The following PDE11A variants were observed in gnomAD, a reference collection of about 807,000 sequenced individuals.
The protein encoded by PDE11A is dual 3',5'-cyclic-AMP and -GMP phosphodiesterase 11A.
A neutral mutation model predicts 100.5 loss-of-function variants in PDE11A; 100 were observed. The ratio of observed to expected loss-of-function variants is 1.00; its 90% CI spans 0.85 to 1.18. The LOEUF is 1.18. Ranked by LOEUF, PDE11A falls within the 50% of genes most tolerant of loss-of-function variation. The pLI, the probability that PDE11A is intolerant of heterozygous loss-of-function variation, is 0.00. For synonymous variants in PDE11A, 381 were observed against 420.8 expected (o/e 0.91, Z 1.16); for missense variants, 1,141 against 1,152.6 (o/e 0.99, Z 0.15).
intron 5 of PDE11A, among the ~76,000 whole-genome samples, chr2:177,866,491 T>A (rs2084033019): frequency 6.6e-6 from 1 of 152,366 alleles, no homozygotes; most frequent in East Asian, 1.9e-4. Context: ...GATCCTGCTC[T>A]CTTTAGCTTT....
At chr2:177,769,742 C>T (rs990178276) in intron 9 of PDE11A, among the ~76,000 whole-genome samples, 2 of 151,972 alleles carry the variant, frequency 1.3e-5, no homozygotes, top group Admixed American at 1.3e-4. Context: ...CAAAAACTAG[C>T]TGGGCATGGT....
At chr2:177,772,713 TA>T (rs58575142) in intron 9 of PDE11A, among the ~76,000 whole-genome samples, 3,143 of 141,196 alleles carry the variant, frequency 0.022, 37 homozygotes, top group South Asian at 0.039. Context: ...TTCCTTTATT[TA>T]AAAAAAAAAA....
chr2:178,102,440 T>G (rs1388149773), intron 2 of PDE11A, among the ~76,000 whole-genome samples: 1 of 146,530 alleles, frequency 6.8e-6, no homozygotes, highest in Non-Finnish European at 1.5e-5. Context: ...TTTTTTTTTT[T>G]TTTTTTTTTT....
At chr2:178,018,389 C>CTTGGCACACTTGACTTTAAA in intron 1 of PDE11A, 2 of 497,726 alleles carry the variant, frequency 4.0e-6, no homozygotes, top group Admixed American at 4.2e-5. Flanking sequence ...TTGACTTTAA[C>CTTGGCACACTTGACTTTAAA]CTTTGCCGGG....
chr2:177,685,910 A>G (rs1189954540), intron 15 of PDE11A, among the ~76,000 whole-genome samples: 1 of 152,198 alleles, frequency 6.6e-6, no homozygotes, highest in Non-Finnish European at 1.5e-5. Flanking sequence ...TATGAAAATC[A>G]AACAGCATCA....
chr2:178,104,922 A>G (rs2087600787), intron 1 of PDE11A, among the ~76,000 whole-genome samples: 2 of 152,240 alleles, frequency 1.3e-5, no homozygotes, highest in African/African-American at 4.8e-5. Flanking sequence ...TTTAACTATG[A>G]TATTACTATG....
intron 2 of PDE11A, among the ~76,000 whole-genome samples, chr2:177,910,713 TA>T (rs1317763927): frequency 6.6e-6 from 1 of 152,128 alleles, no homozygotes; most frequent in African/African-American, 2.4e-5. Flanking sequence ...TTAAACAGTG[TA>T]AAAAAGTCAC....
At chr2:177,905,025 TA>T (rs2084760473) in intron 3 of PDE11A, 72 bp downstream of exon 3, 1 of 839,806 alleles carries the variant, frequency 1.2e-6, no homozygotes. Flanking sequence ...TGGCTGTTTT[TA>T]AAAGACATAA....
In PDE11A at chr2:177,845,258, C is replaced by T. The variant is rs1471167755; in HGVS notation, c.1368-4875G>A. On this transcript the variant is annotated intron_variant, in intron 5 of 19. Coordinates refer to ENST00000286063, the MANE Select transcript of PDE11A (RefSeq NM_016953.4). ...ATGGGGTGGCTGCCGGGCGGAGGGG[C>T]TCCTCACTTCTCAGACGGGGCGGTT... 3.1e-4 allele frequency among the ~76,000 whole-genome samples: 47 copies of T among 151,580 alleles called. No individual in the cohort carries two copies. The South Asian group carries it at 9.6e-3, about 31-fold the overall frequency.
intron 5 of PDE11A, among the ~76,000 whole-genome samples, chr2:177,849,418 A>G (rs551109900): frequency 6.6e-6 from 1 of 152,296 alleles, no homozygotes; most frequent in South Asian, 2.1e-4. Context: ...GTAAAGCTTT[A>G]AAAAGTGTGG....
Position 178,058,514 on chromosome 2 carries a change from C to A in PDE11A, c.912+13012G>T, listed in dbSNP as rs1019410896. Among the ~76,000 whole-genome samples, 8 of 152,334 alleles carry A rather than the reference C, an allele frequency of 5.3e-5. No homozygotes were observed. The East Asian group carries it at 1.5e-3, about 29-fold the overall frequency. On this transcript the variant is annotated intron_variant, in intron 1 of 19. Coordinates refer to ENST00000286063, the MANE Select transcript of PDE11A (RefSeq NM_016953.4). The stretch of plus-strand genomic sequence containing the variant: ...TGACTTGCTCCTCCTTGCCTTCTGC[C>A]AGGAGTGTGAGGCCTCCTCAGCCAC...
intron 7 of PDE11A, among the ~76,000 whole-genome samples, chr2:177,818,386 A>C (rs1408588857): frequency 6.6e-6 from 1 of 151,676 alleles, no homozygotes; most frequent in Non-Finnish European, 1.5e-5. Flanking sequence ...TAAGAACATA[A>C]GCTTTGGACT....
At chr2:177,728,752 T>G (rs535214630) in intron 10 of PDE11A, among the ~76,000 whole-genome samples, 7 of 152,322 alleles carry the variant, frequency 4.6e-5, no homozygotes, top group Admixed American at 2.6e-4. Flanking sequence ...AGGTTTAGCA[T>G]AAGCCTATGT....
chr2:177,898,305 T>C, intron 3 of PDE11A, 107 bp from the exon 4 acceptor site: 2 of 749,070 alleles, frequency 2.7e-6, no homozygotes, highest in Non-Finnish European at 4.5e-6. Context: ...TAAATCTTTT[T>C]GTGTAGCTAA....
intron 4 of PDE11A, among the ~76,000 whole-genome samples, chr2:177,889,188 G>A (rs1244385757): frequency 6.6e-6 from 1 of 152,092 alleles, no homozygotes. Context: ...TAAAATTATA[G>A]GGTCACATTT....
chr2:177,769,452 G>A (rs962926287), intron 9 of PDE11A, 79 bp from the exon 10 acceptor site: 6 of 845,732 alleles, frequency 7.1e-6, no homozygotes, highest in Non-Finnish European at 1.2e-5. Context: ...TTAAAAATAA[G>A]CTTTGCTTAT....
In PDE11A at chr2:177,748,102, A is replaced by G. The variant is rs544172031; in HGVS notation, c.1789-19930T>C. Among the ~76,000 whole-genome samples, 22 of 152,322 alleles carry G rather than the reference A, an allele frequency of 1.4e-4. 1 individual carries two copies. In the South Asian group the frequency reaches 4.6e-3, roughly 32 times the overall value. On this transcript the variant is annotated intron_variant, in intron 10 of 19. Coordinates refer to ENST00000286063, the MANE Select transcript of PDE11A (RefSeq NM_016953.4). ...GCACTGTGTAGCTTGTGTCTGGAAT[A>G]CGAGGCATTTCAGATAATAAGGGTC... is the stretch of plus-strand genomic sequence containing the variant.
intron 9 of PDE11A, among the ~76,000 whole-genome samples, chr2:177,769,706 G>A (rs1042681300): frequency 6.6e-6 from 1 of 151,890 alleles, no homozygotes; most frequent in Admixed American, 6.6e-5. Context: ...GGGCAACATG[G>A]CGAAACCTTG....
intron 1 of PDE11A, among the ~76,000 whole-genome samples, chr2:178,066,899 G>A (rs2087053850): frequency 6.6e-6 from 1 of 152,188 alleles, no homozygotes; most frequent in Admixed American, 6.5e-5. Context: ...TTGGGAAGGG[G>A]AGACTGACTT....
Sources: gnomAD v4.1 joint callset for allele counts (sites outside exome capture counted in the v4.1 genomes callset) on GRCh38, gnomAD v4.1.1 for gene constraint, MANE v1.5 for transcripts, NCBI Gene and HGNC (gene_info 2026-07-23, HGNC 2026-07-21) for gene names.